Variants in PCDHA4 observed in about 807,000 individuals in gnomAD.
PCDHA4 encodes the protein protocadherin alpha 4.
Under a neutral mutation model 61.4 loss-of-function variants are expected in PCDHA4, and 49 were observed. The ratio of observed to expected loss-of-function variants is 0.80; its 90% CI spans 0.63 to 1.01. PCDHA4 has a LOEUF of 1.01. Among genes scored for constraint, PCDHA4 ranks in the 50% least tolerant of loss-of-function variants. PCDHA4 has a pLI of 0.00. For synonymous variants in PCDHA4, 590 were observed against 550.3 expected, an observed-to-expected ratio of 1.07 and a Z score of -1.01; for missense variants, 1,254 against 1,235.8, an observed-to-expected ratio of 1.01 and a Z score of -0.22.
At chr5:140,846,436 G>A (rs191314082) in intron 1 of PCDHA4, among the ~76,000 whole-genome samples, 18 of 131,380 alleles carry the variant, frequency 1.4e-4, no homozygotes, top group African/African-American at 3.7e-4. Flanking sequence ...ATGCAGTGGC[G>A]CAATCTCGGC....
chr5:140,878,927 A>G (rs1176306554), intron 1 of PCDHA4, among the ~76,000 whole-genome samples: 1 of 152,216 alleles, frequency 6.6e-6, no homozygotes, highest in African/African-American at 2.4e-5. Context: ...TCAATCAATA[A>G]TTTTAAATAA....
At chr5:140,869,561 C>G in intron 1 of PCDHA4, 1 of 1,614,150 alleles carries the variant, frequency 6.2e-7, no homozygotes, top group Non-Finnish European at 8.5e-7. Flanking sequence ...TCGCGTTTTC[C>G]ACTAGAGGGA....
At chr5:140,968,467 A>G (rs2153771249) in intron 1 of PCDHA4, 1 of 1,614,124 alleles carries the variant, frequency 6.2e-7, no homozygotes, top group Non-Finnish European at 8.5e-7. Flanking sequence ...CTGCCAACGT[A>G]TATGTGGTGG....
At chr5:141,007,704 C>T (rs2098341593) in intron 3 of PCDHA4, among the ~76,000 whole-genome samples, 1 of 152,200 alleles carries the variant, frequency 6.6e-6, no homozygotes, top group African/African-American at 2.4e-5. Flanking sequence ...CCTCCTCTGC[C>T]TCCCACCACC....
rs1554124179 is a variant in PCDHA4 at position 140,807,655 on chromosome 5, C to T, written c.468C>T (p.Gly156=). 1.2e-6 allele frequency: 2 copies of T among 1,614,066 alleles called. No homozygotes were observed. The highest frequency in any genetic ancestry group is 1.1e-5 in the South Asian group (1 of 91,092). Residue 156 remains glycine, a synonymous_variant, in exon 1 of 4, where the codon GGC becomes GGT. Transcript: ENST00000530339. ...RPLDSRFPLE[G]ASDADIGENA... ...TTGACTCTCGGTTTCCACTAGAGGG[C>T]GCCTCGGATGCAGATATCGGGGAGA...
At chr5:140,829,371 C>G (rs1243458912) in intron 1 of PCDHA4, 1 of 1,614,080 alleles carries the variant, frequency 6.2e-7, no homozygotes, top group African/African-American at 1.3e-5. Context: ...GTGGTAACCG[C>G]GCGGGACGGG....
chr5:140,870,528 A>T, intron 1 of PCDHA4: 11 of 1,614,214 alleles, frequency 6.8e-6, no homozygotes, highest in Non-Finnish European at 7.6e-6. Context: ...ACATCTTCAC[A>T]GTGTCGGCGC....
chr5:140,876,463 G>T, intron 1 of PCDHA4: 2 of 1,614,014 alleles, frequency 1.2e-6, no homozygotes, highest in Non-Finnish European at 1.7e-6. Flanking sequence ...TCCTTCCATG[G>T]CAGGTCACAG....
chr5:140,962,107 G>A (rs1010906038), intron 1 of PCDHA4, among the ~76,000 whole-genome samples: 20 of 151,860 alleles, frequency 1.3e-4, no homozygotes, highest in African/African-American at 4.4e-4. Flanking sequence ...GGATGGTCTC[G>A]ATCTCCTAAC....
At chr5:140,869,275 G>T in intron 1 of PCDHA4, 1 of 1,613,584 alleles carries the variant, frequency 6.2e-7, no homozygotes, top group Non-Finnish European at 8.5e-7. Context: ...GGAGCTGGCG[G>T]AGCTGGTGCA....
chr5:140,876,837 C>G (rs782753877), intron 1 of PCDHA4: 3 of 1,614,148 alleles, frequency 1.9e-6, no homozygotes, highest in African/African-American at 1.3e-5. Context: ...CGCCTGCGTT[C>G]GCGCAGCCCG....
intron 1 of PCDHA4, among the ~76,000 whole-genome samples, chr5:140,888,663 T>C (rs1278510364): frequency 6.6e-6 from 1 of 152,194 alleles, no homozygotes; most frequent in Non-Finnish European, 1.5e-5. Context: ...CACCACCTAA[T>C]GCCCTGTGCA....
At chr5:140,822,157 A>C in intron 1 of PCDHA4, 1 of 1,614,258 alleles carries the variant, frequency 6.2e-7, no homozygotes, top group South Asian at 1.1e-5. Flanking sequence ...CATCAATGAC[A>C]ATCCGCCCAG....
chr5:140,808,416 A>G lies in PCDHA4; in HGVS notation c.1229A>G (p.Asp410Gly), dbSNP rs1209126629. The G allele has an allele frequency of 1.2e-6, 2 of 1,614,036 alleles. No homozygotes were observed. Among genetic ancestry groups the G allele is most frequent in the Non-Finnish European group, 1.7e-6 (2 of 1,180,062 alleles). The change falls in exon 1 of 4, where the codon GAC becomes GGC. Residue 410 changes from aspartate to glycine, a missense_variant. Coordinates refer to ENST00000530339, the MANE Select transcript of PCDHA4 (RefSeq NM_018907.4). ...TFKNYYSLVL[D>G]SALDRESVSA... ...AAGAATTACTACTCGTTGGTGCTGG[A>G]CAGTGCCCTGGACCGCGAGAGCGTG...
At chr5:140,921,811 T>C (rs1484171257) in intron 1 of PCDHA4, among the ~76,000 whole-genome samples, 1 of 152,096 alleles carries the variant, frequency 6.6e-6, no homozygotes, top group Non-Finnish European at 1.5e-5. Context: ...ATAAGATACA[T>C]GTGTGAATAT....
chr5:140,819,189 C>T (rs1290889334), intron 1 of PCDHA4, among the ~76,000 whole-genome samples: 1 of 152,108 alleles, frequency 6.6e-6, no homozygotes, highest in African/African-American at 2.4e-5. Context: ...GACATATGTG[C>T]ATAAATTATT....
Position 140,841,926 on chromosome 5 carries a change from G to T in PCDHA4, c.2385+32354G>T, listed in dbSNP as rs1490008187. 5.6e-6 allele frequency: 9 copies of T among 1,613,806 alleles called. No individual in the cohort carries two copies. The Admixed American group carries it at 1.5e-4, about 27-fold the overall frequency. On this transcript the variant is annotated intron_variant, in intron 1 of 3. Transcript: ENST00000530339. ...CTCGTATTAAGAAAATCCTTGGACA[G>T]AGAGGACGCTCCTGCGCACCACTTA...
chr5:140,821,626 A>G, intron 1 of PCDHA4: 2 of 917,604 alleles, frequency 2.2e-6, no homozygotes, highest in Non-Finnish European at 3.2e-6. Context: ...TTTTCCTTAG[A>G]CAGAAAGGAA....
intron 1 of PCDHA4, among the ~76,000 whole-genome samples, chr5:140,948,147 A>T (rs2094217534): frequency 6.6e-6 from 1 of 151,572 alleles, no homozygotes; most frequent in African/African-American, 2.4e-5. Context: ...TGATTTTTGA[A>T]TGTTGGAAAA....
Sources: gnomAD v4.1 joint callset for allele counts (sites outside exome capture counted in the v4.1 genomes callset) on GRCh38, gnomAD v4.1.1 for gene constraint, MANE v1.5 for transcripts, NCBI Gene and HGNC (gene_info 2026-07-23, HGNC 2026-07-21) for gene names.